Variants in PRKCA observed in about 807,000 individuals in gnomAD.
PRKCA encodes protein kinase C alpha.
Under a neutral mutation model 87.0 loss-of-function variants are expected in PRKCA, and 27 were observed. That is an observed-to-expected ratio of 0.31 (90% CI 0.23 to 0.43). PRKCA has a LOEUF of 0.43. Among genes scored for constraint, PRKCA ranks in the 20% least tolerant of loss-of-function variants. The probability of loss-of-function intolerance (pLI) is 1.00; values close to 1 mark genes in which losing one functional copy is unlikely to be tolerated. For synonymous variants in PRKCA, 329 were observed against 311.1 expected (o/e 1.06, Z -0.61); for missense variants, 518 against 852.3 (o/e 0.61, Z 4.88).
intron 4 of PRKCA, among the ~76,000 whole-genome samples, chr17:66,644,852 C>T (rs949726294): frequency 5.3e-5 from 8 of 151,910 alleles, no homozygotes; most frequent in African/African-American, 1.9e-4. Context: ...AAGCTGGGTG[C>T]AGTGGTTCAC....
At chr17:66,645,593 T>A in intron 5 of PRKCA, 82 bp downstream of exon 5, 1 of 1,570,818 alleles carries the variant, frequency 6.4e-7, no homozygotes, top group Non-Finnish European at 8.7e-7. Flanking sequence ...GGGTGGGGGC[T>A]GGGCTGGATG....
At position 66,674,161 on chromosome 17, in the gene PRKCA, G is replaced by A. The variant is rs950398973; in HGVS notation, c.530-12950G>A. On this transcript the variant is annotated intron_variant, in intron 5 of 16. Coordinates refer to ENST00000413366, the MANE Select transcript of PRKCA (RefSeq NM_002737.3). The stretch of plus-strand genomic sequence containing the variant: ...GAGTGATCCCTGGGGATGCGAGGGG[G>A]TGTGGCCCTTGCCCTCAAGGTGCTG... Among the ~76,000 whole-genome samples the A allele has an allele frequency of 2.0e-5, 3 of 152,218 alleles. No homozygotes were observed. In the East Asian group the frequency reaches 5.8e-4, roughly 29 times the overall value.
chr17:66,477,420 C>T (rs3848419), intron 2 of PRKCA, among the ~76,000 whole-genome samples: 22,666 of 152,128 alleles, frequency 0.15, 1,976 homozygotes, highest in East Asian at 0.29. Context: ...AACTTTGTGG[C>T]CGAGCGCGGT....
At chr17:66,694,767 TAAAAAAAAAA>T (rs746908582) in intron 8 of PRKCA, among the ~76,000 whole-genome samples, 1 of 117,520 alleles carries the variant, frequency 8.5e-6, no homozygotes, top group South Asian at 2.9e-4. Context: ...TTCCAATGGT[TAAAAAAAAAA>T]AAAAAAAAAA....
rs528642751 is a variant in PRKCA, at chr17:66,492,533, A to C, written c.206-3668A>C. On this transcript the variant is annotated intron_variant, in intron 2 of 16. Transcript: ENST00000413366. The stretch of plus-strand genomic sequence containing the variant: ...TTTTAAAAAGAGATGAAAGGCCCAA[A>C]TGTTTGAACGATTAAGTAGGGAATA... Among the ~76,000 whole-genome samples the C allele has an allele frequency of 7.9e-5, 12 of 152,350 alleles. No individual in the cohort carries two copies. The South Asian group carries it at 2.5e-3, about 32-fold the overall frequency.
In PRKCA at chr17:66,667,569, G is replaced by T. The variant is rs118026618; in HGVS notation, c.530-19542G>T. On this transcript the variant is annotated intron_variant, in intron 5 of 16. Coordinates refer to ENST00000413366, the MANE Select transcript of PRKCA (RefSeq NM_002737.3). ...CCCATGACTCAGTTACCTCCCACCA[G>T]GTCCCTCCCACAACACATGGGGATT... Among the ~76,000 whole-genome samples, 1,035 of 152,252 alleles carry T rather than the reference G, an allele frequency of 6.8e-3. 32 individuals are homozygous for T. The East Asian group carries it at 0.089, about 13-fold the overall frequency.
intron 3 of PRKCA, among the ~76,000 whole-genome samples, chr17:66,513,292 T>A (rs1917326284): frequency 6.6e-6 from 1 of 152,180 alleles, no homozygotes. Flanking sequence ...TGTCCTAAGA[T>A]CAATAGAGAC....
chr17:66,444,954 CTCTCACACAT>C (rs1913958344), intron 2 of PRKCA, among the ~76,000 whole-genome samples: 1 of 152,190 alleles, frequency 6.6e-6, no homozygotes, highest in Non-Finnish European at 1.5e-5. Context: ...CACACACACA[CTCTCACACAT>C]ACAGACTCCC....
Position 66,578,135 on chromosome 17 carries a change from T to TA in PRKCA, c.289-63216dup, listed in dbSNP as rs1491585607. Among the ~76,000 whole-genome samples the TA allele has an allele frequency of 4.1e-3, 570 of 140,312 alleles. 8 individuals are homozygous for TA. The highest frequency in any genetic ancestry group is 9.5e-3 in the East Asian group (45 of 4,738). 92.1% of individuals were successfully genotyped at this position (140,312 alleles called of 152,430 possible). A position where few individuals can be genotyped will look rare whatever the true frequency, so the allele number is the denominator to read the frequency against. On this transcript the variant is annotated intron_variant, in intron 3 of 16. Transcript: ENST00000413366. Reference sequence around the variant, plus strand: ...CAGCCAGCTAACGAGAGACTGAATTTAAAACAAAACAAAACAAAACAAAAC... The same window carrying TA: ...CAGCCAGCTAACGAGAGACTGAATTTAAAAACAAAACAAAACAAAACAAAAC...
intron 14 of PRKCA, among the ~76,000 whole-genome samples, chr17:66,784,157 G>C (rs540313512): frequency 6.6e-6 from 1 of 152,162 alleles, no homozygotes; most frequent in African/African-American, 2.4e-5. Flanking sequence ...TCCCTGCCAG[G>C]GCACATTTAC....
chr17:66,368,364 G>GTATATATATA (rs765889045), intron 2 of PRKCA, among the ~76,000 whole-genome samples: 4 of 44,504 alleles, frequency 9.0e-5, no homozygotes, highest in Non-Finnish European at 1.1e-4. Flanking sequence ...GTGTGTATAT[G>GTATATATATA]TATATATATA....
intron 3 of PRKCA, among the ~76,000 whole-genome samples, chr17:66,566,621 AG>A (rs1968910658): frequency 1.3e-5 from 2 of 151,912 alleles, no homozygotes; most frequent in Non-Finnish European, 2.9e-5. Flanking sequence ...TAACCTACTA[AG>A]TATAGTTATA....
intron 5 of PRKCA, among the ~76,000 whole-genome samples, chr17:66,672,455 G>A (rs1972215187): frequency 6.6e-6 from 1 of 152,166 alleles, no homozygotes; most frequent in South Asian, 2.1e-4. Flanking sequence ...TAAACTTTTA[G>A]AGGAGTAATT....
intron 2 of PRKCA, among the ~76,000 whole-genome samples, chr17:66,451,698 G>C (rs148435051): frequency 4.3e-4 from 66 of 152,264 alleles, no homozygotes; most frequent in African/African-American, 1.6e-3. Context: ...CAGAGGGAGT[G>C]GGGCGAGAGA....
chr17:66,421,975 G>GTT (rs976936590), intron 2 of PRKCA, among the ~76,000 whole-genome samples: 1 of 152,130 alleles, frequency 6.6e-6, no homozygotes, highest in African/African-American at 2.4e-5. Context: ...GTGGCTAGAT[G>GTT]TTTAAGATCA....
chr17:66,478,018 C>T lies in PRKCA; in HGVS notation c.206-18183C>T, dbSNP rs1915608521. Among the ~76,000 whole-genome samples, 3 of 152,238 alleles carry T rather than the reference C, an allele frequency of 2.0e-5. No homozygotes were observed. In the South Asian group the frequency reaches 6.2e-4, roughly 32 times the overall value. ...TCAATCAATTTAGAAGTTTATTTTG[C>T]CAAGGTTAAGGACGTGCGCCCAGGA... On this transcript the variant is annotated intron_variant, in intron 2 of 16. Coordinates refer to ENST00000413366, the MANE Select transcript of PRKCA (RefSeq NM_002737.3).
At chr17:66,437,527 T>G (rs1251951924) in intron 2 of PRKCA, among the ~76,000 whole-genome samples, 3 of 152,076 alleles carry the variant, frequency 2.0e-5, no homozygotes, top group African/African-American at 7.2e-5. Flanking sequence ...TGGAAACAGT[T>G]TACAAAGAAT....
intron 3 of PRKCA, among the ~76,000 whole-genome samples, chr17:66,501,832 T>C (rs549709602): frequency 1.3e-5 from 2 of 152,308 alleles, no homozygotes; most frequent in East Asian, 3.9e-4. Flanking sequence ...GCCGTGGTTT[T>C]TGGGGCAGTG....
chr17:66,365,314 G>C (rs571438336), intron 2 of PRKCA, among the ~76,000 whole-genome samples: 1 of 152,306 alleles, frequency 6.6e-6, no homozygotes, highest in South Asian at 2.1e-4. Context: ...GGAGGGAGGA[G>C]AGAGAAGTGG....
Sources: gnomAD v4.1 joint callset for allele counts (sites outside exome capture counted in the v4.1 genomes callset) on GRCh38, gnomAD v4.1.1 for gene constraint, MANE v1.5 for transcripts, NCBI Gene and HGNC (gene_info 2026-07-23, HGNC 2026-07-21) for gene names.